NTNG2: variants seen among roughly 807,000 people sequenced by gnomAD.
NTNG2 encodes the protein netrin-G2.
A neutral mutation model predicts 47.6 loss-of-function variants in NTNG2; 15 were observed. The ratio of observed to expected loss-of-function variants is 0.32; its 90% CI spans 0.21 to 0.49. The LOEUF (loss-of-function observed/expected upper bound fraction) is 0.49, where lower values mean the gene tolerates loss of function less well. Ranked by LOEUF, NTNG2 falls within the 20% of genes least tolerant of loss-of-function variation. NTNG2 has a pLI of 0.99. For missense variants in NTNG2, 578 were observed against 764.6 expected, an observed-to-expected ratio of 0.76 and a Z score of 2.88; for synonymous variants, 307 against 324.6, an observed-to-expected ratio of 0.95 and a Z score of 0.58.
At chr9:132,195,409 T>C (rs916481734) in intron 2 of NTNG2, among the ~76,000 whole-genome samples, 6 of 151,728 alleles carry the variant, frequency 4.0e-5, no homozygotes, top group South Asian at 4.2e-4. Flanking sequence ...CCCGGGTTCA[T>C]GCCATTCTCC....
intron 2 of NTNG2, among the ~76,000 whole-genome samples, chr9:132,191,919 G>A (rs1837924873): frequency 6.6e-6 from 1 of 152,160 alleles, no homozygotes; most frequent in African/African-American, 2.4e-5. Context: ...TTAAAAATCA[G>A]CGGTATGATT....
intron 4 of NTNG2, among the ~76,000 whole-genome samples, chr9:132,230,073 G>C (rs1282704162): frequency 6.6e-6 from 1 of 152,258 alleles, no homozygotes; most frequent in East Asian, 1.9e-4. Context: ...TTACGCAGGG[G>C]ATGCTGACAC....
intron 2 of NTNG2, among the ~76,000 whole-genome samples, chr9:132,168,163 G>A (rs1407040097): frequency 6.6e-6 from 1 of 152,242 alleles, no homozygotes; most frequent in Non-Finnish European, 1.5e-5. Flanking sequence ...TCCAGGAGGT[G>A]GCGAAGCTGT....
At chr9:132,202,876 T>A (rs1027727580) in intron 3 of NTNG2, among the ~76,000 whole-genome samples, 1 of 152,236 alleles carries the variant, frequency 6.6e-6, no homozygotes, top group Non-Finnish European at 1.5e-5. Flanking sequence ...AGCTGCTGCA[T>A]CCATGGAGAT....
intron 3 of NTNG2, among the ~76,000 whole-genome samples, chr9:132,219,454 T>C (rs1202282968): frequency 2.0e-5 from 3 of 150,770 alleles, no homozygotes; most frequent in Non-Finnish European, 4.4e-5. Context: ...GTGCCTGTAA[T>C]CCCAGCTACT....
At chr9:132,190,960 G>A (rs548213498) in intron 2 of NTNG2, among the ~76,000 whole-genome samples, 1 of 152,324 alleles carries the variant, frequency 6.6e-6, no homozygotes, top group African/African-American at 2.4e-5. Context: ...TAGGAAAGCT[G>A]TAGACATGAT....
At chr9:132,239,396 C>T in intron 6 of NTNG2, 125 bp downstream of exon 6, 1 of 856,526 alleles carries the variant, frequency 1.2e-6, no homozygotes, top group Non-Finnish European at 1.9e-6. Flanking sequence ...AATTCTAACT[C>T]CAGGGCCCTC....
chr9:132,195,103 C>CTCTT (rs544393755), intron 2 of NTNG2, among the ~76,000 whole-genome samples: 1 of 152,132 alleles, frequency 6.6e-6, no homozygotes, highest in African/African-American at 2.4e-5. Context: ...TTCTTTCTTT[C>CTCTT]TCTTTCTTTC....
At chr9:132,216,452 G>C (rs1840001509) in intron 3 of NTNG2, among the ~76,000 whole-genome samples, 4 of 142,410 alleles carry the variant, frequency 2.8e-5, no homozygotes, top group Non-Finnish European at 6.0e-5. Flanking sequence ...GTGTGTGTGT[G>C]TGTGTGTGTG....
At chr9:132,168,132 G>A (rs186950740) in intron 2 of NTNG2, among the ~76,000 whole-genome samples, 1 of 152,252 alleles carries the variant, frequency 6.6e-6, no homozygotes, top group Non-Finnish European at 1.5e-5. Context: ...GACGGGTAAA[G>A]GCATCTGGCC....
chr9:132,227,088 A>G (rs902321124), intron 4 of NTNG2, 67 bp downstream of exon 4: 7 of 1,486,890 alleles, frequency 4.7e-6, no homozygotes, highest in African/African-American at 1.4e-5. Flanking sequence ...CAATCCCAGG[A>G]GCTGTGGATC....
At position 132,198,313 on chromosome 9, in the gene NTNG2, C is replaced by A. The variant is rs763185817; in HGVS notation, c.561C>A (p.Ser187=). Reference sequence around the variant, plus strand: ...CCCGCCGGGCCCGCGACATGTCATCCTCCAGCGCGCACCGCGTGCTCTGCA... The same window carrying A: ...CCCGCCGGGCCCGCGACATGTCATCATCCAGCGCGCACCGCGTGCTCTGCA... ...MSARRARDMS[S]SSAHRVLCTE... is the part of the protein sequence containing the mutation. The change falls in exon 3 of 8, where the codon TCC becomes TCA. Residue 187 remains serine, a synonymous_variant. Coordinates refer to ENST00000393229, the MANE Select transcript of NTNG2 (RefSeq NM_032536.4). 3 of 1,612,844 alleles carry A rather than the reference C, an allele frequency of 1.9e-6. No homozygotes were observed. The South Asian group carries it at 3.3e-5, about 18-fold the overall frequency.
intron 3 of NTNG2, among the ~76,000 whole-genome samples, chr9:132,217,522 G>C (rs141926797): frequency 6.6e-6 from 1 of 152,184 alleles, no homozygotes; most frequent in East Asian, 1.9e-4. Flanking sequence ...TCATTTCCTT[G>C]TCTGTGAAAT....
chr9:132,165,830 C>T (rs1014895616), intron 1 of NTNG2, among the ~76,000 whole-genome samples: 2 of 152,212 alleles, frequency 1.3e-5, no homozygotes, highest in Non-Finnish European at 2.9e-5. Flanking sequence ...AATAACATGC[C>T]CGATCTCCAA....
intron 4 of NTNG2, among the ~76,000 whole-genome samples, chr9:132,229,244 C>G (rs1222256586): frequency 1.3e-4 from 20 of 152,110 alleles, no homozygotes; most frequent in Admixed American, 1.3e-3. Flanking sequence ...GGAAACAGCC[C>G]AAAGAGACAC....
At chr9:132,204,170 G>A (rs1838990870) in intron 3 of NTNG2, among the ~76,000 whole-genome samples, 1 of 152,190 alleles carries the variant, frequency 6.6e-6, no homozygotes, top group African/African-American at 2.4e-5. Flanking sequence ...AAACCCGTGA[G>A]TTCCAAGAGG....
chr9:132,196,622 G>A (rs1041504), intron 2 of NTNG2, among the ~76,000 whole-genome samples: 81,845 of 152,092 alleles, frequency 0.54, 24,025 homozygotes, highest in African/African-American at 0.79. Context: ...GGACCACTAC[G>A]TTAGTGACAT....
chr9:132,190,341 G>T (rs1050992508), intron 2 of NTNG2, among the ~76,000 whole-genome samples: 10 of 151,948 alleles, frequency 6.6e-5, no homozygotes, highest in Non-Finnish European at 1.0e-4. Context: ...TGGAGCTGGG[G>T]AGCTGCTGAG....
chr9:132,239,305 C>A, intron 6 of NTNG2, 34 bp downstream of exon 6: 1 of 1,611,230 alleles, frequency 6.2e-7, no homozygotes, highest in Non-Finnish European at 8.5e-7. Context: ...AGGGAACTTG[C>A]TGGAATGCGT....
Sources: allele counts gnomAD v4.1 joint callset (sites outside exome capture counted in the v4.1 genomes callset), GRCh38; gene constraint gnomAD v4.1.1; transcripts MANE v1.5; gene names NCBI Gene and HGNC (gene_info 2026-07-23, HGNC 2026-07-21).